MPDZ: variants seen among roughly 807,000 people sequenced by gnomAD.
MPDZ encodes the protein multiple PDZ domain protein.
Under a neutral mutation model 239.1 loss-of-function variants are expected in MPDZ, and 234 were observed. The ratio of observed to expected loss-of-function variants is 0.98; its 90% CI spans 0.88 to 1.09. The LOEUF (loss-of-function observed/expected upper bound fraction) is 1.09, where lower values mean the gene tolerates loss of function less well. Ranked by LOEUF, MPDZ falls within the 50% of genes least tolerant of loss-of-function variation. The probability of loss-of-function intolerance (pLI) is 0.00; values close to 1 mark genes in which losing one functional copy is unlikely to be tolerated. For synonymous variants in MPDZ, 1,048 were observed against 881.3 expected, an observed-to-expected ratio of 1.19 and a Z score of -3.35; for missense variants, 3,175 against 2,510.0, an observed-to-expected ratio of 1.26 and a Z score of -5.66.
intron 3 of MPDZ, among the ~76,000 whole-genome samples, chr9:13,235,792 C>CT (rs754350659): frequency 2.6e-5 from 4 of 151,990 alleles, no homozygotes; most frequent in Non-Finnish European, 5.9e-5. Context: ...TTCCCTTGTG[C>CT]TAAAAAAGTT....
rs751504836 is a variant in MPDZ at position 13,123,281 on chromosome 9, T to G, written c.4825A>C (p.Thr1609Pro). 6.2e-7 allele frequency: 1 copy of G among 1,611,280 alleles called. No individual in the cohort carries two copies. Residue 1609 changes from threonine to proline, a missense_variant, in exon 36 of 47, where the codon ACA becomes CCA. Physicochemically the swap from Thr to Pro is conservative, Grantham distance 38. Coordinates refer to ENST00000319217, the MANE Select transcript of MPDZ (RefSeq NM_001378778.1). ...ESIRNTSRSS[T>P]PAIFASDPAT... ...GGATCAGAAGCAAAAATTGCTGGTG[T>G]TGATGATCTGCTTGTATCTAAAAAT...
chr9:13,136,211 T>A (rs1021205923), intron 30 of MPDZ, 29 bp from the exon 31 acceptor site: 2 of 1,439,718 alleles, frequency 1.4e-6, no homozygotes, highest in Non-Finnish European at 1.9e-6. Context: ...CAACCTATTA[T>A]AACATCATGG....
rs1416039294 is a variant in MPDZ, at chr9:13,221,497, G to C, written c.751C>G (p.His251Asp). The change falls in exon 7 of 47, where the codon CAC (histidine) becomes GAC (aspartate). Residue 251 changes from histidine (H) to aspartate (D), a missense_variant. His to Asp is a moderately conservative substitution (Grantham distance 81). Coordinates refer to ENST00000319217, the MANE Select transcript of MPDZ (RefSeq NM_001378778.1). ...TCAATCGTTTCCATGTGTTGCCAGT[G>C]AACCTACAAACAAAGCTCATATATG... ...STISAHSNPV[H>D]WQHMETIELV... 6.2e-7 allele frequency: 1 copy of C among 1,609,310 alleles called. No individual in the cohort carries two copies. Among genetic ancestry groups the C allele is most frequent in the Non-Finnish European group, 8.5e-7 (1 of 1,177,252 alleles).
intron 1 of MPDZ, among the ~76,000 whole-genome samples, chr9:13,254,971 TTCA>T (rs1412504303): frequency 6.6e-6 from 1 of 152,200 alleles, no homozygotes; most frequent in African/African-American, 2.4e-5. Context: ...GATTCTTCCT[TTCA>T]TGAAAGATTT....
intron 3 of MPDZ, among the ~76,000 whole-genome samples, chr9:13,246,153 T>A (rs1355622155): frequency 1.3e-5 from 2 of 152,146 alleles, no homozygotes; most frequent in Non-Finnish European, 2.9e-5. Flanking sequence ...AAACCAGTAC[T>A]GAAAATCAAT....
chr9:13,247,772 G>A lies in MPDZ; in HGVS notation c.46C>T (p.Arg16Cys), dbSNP rs767520042. Residue 16 changes from arginine (R) to cysteine (C), a missense_variant, in exon 3 of 47, where the codon CGC becomes TGC. By Grantham distance (180) the Arg-to-Cys change is radical. Transcript: ENST00000319217. ...CGTTCTCGCAGCTTGGTTTGCAAGC[G>A]CTCTGCTGCATGCAGGGCCCGATTT... ...DKNRALHAAE[R>C]LQTKLRERGD... The A allele has an allele frequency of 9.9e-6, 16 of 1,611,392 alleles. No homozygotes were observed. The highest frequency in any genetic ancestry group is 4.5e-5 in the East Asian group (2 of 44,818).
intron 19 of MPDZ, among the ~76,000 whole-genome samples, chr9:13,181,242 T>C (rs1354798912): frequency 6.6e-6 from 1 of 152,154 alleles, no homozygotes; most frequent in Non-Finnish European, 1.5e-5. Context: ...AATCATATAC[T>C]ATACGGTATT....
chr9:13,254,930 T>G lies in MPDZ; in HGVS notation c.-57-4558A>C, dbSNP rs559659646. On this transcript the variant is annotated intron_variant, in intron 1 of 46. Transcript: ENST00000319217. ...TGGTCACTGTAACAATTTCTGAAAA[T>G]AAGACAACAATGAGCTTTGCCACAT... is the stretch of plus-strand genomic sequence containing the variant. Among the ~76,000 whole-genome samples the G allele has an allele frequency of 1.3e-3, 201 of 152,256 alleles. 1 individual carries two copies. The highest frequency in any genetic ancestry group is 4.6e-3 in the African/African-American group (191 of 41,552).
intron 23 of MPDZ, among the ~76,000 whole-genome samples, chr9:13,162,054 CA>C (rs1950550818): frequency 6.6e-6 from 1 of 152,054 alleles, no homozygotes; most frequent in African/African-American, 2.4e-5. Context: ...TGCTTAAGCT[CA>C]GAAGTTTGAG....
chr9:13,231,467 T>G (rs1962440167), intron 3 of MPDZ, among the ~76,000 whole-genome samples: 1 of 152,020 alleles, frequency 6.6e-6, no homozygotes, highest in Non-Finnish European at 1.5e-5. Context: ...CTTGGGAGGT[T>G]GAAGCACGAG....
chr9:13,268,551 C>T (rs1299990970), intron 1 of MPDZ, among the ~76,000 whole-genome samples: 3 of 151,948 alleles, frequency 2.0e-5, no homozygotes, highest in African/African-American at 4.8e-5. Context: ...AGTAATTATA[C>T]GGCAACGTGA....
chr9:13,239,792 A>G (rs1448259537), intron 3 of MPDZ, among the ~76,000 whole-genome samples: 1 of 152,114 alleles, frequency 6.6e-6, no homozygotes, highest in East Asian at 1.9e-4. Flanking sequence ...CCTGAAATAC[A>G]ATTAATTCTA....
chr9:13,148,845 G>A (rs1284819136), intron 25 of MPDZ, among the ~76,000 whole-genome samples: 3 of 151,862 alleles, frequency 2.0e-5, no homozygotes, highest in African/African-American at 7.3e-5. Context: ...TTGCAATATG[G>A]CACAAATCAT....
intron 1 of MPDZ, among the ~76,000 whole-genome samples, chr9:13,271,668 T>C (rs555714853): frequency 3.3e-5 from 5 of 152,330 alleles, no homozygotes; most frequent in African/African-American, 9.6e-5. Flanking sequence ...AGGCCTCACT[T>C]ATAGAACCTC....
intron 3 of MPDZ, among the ~76,000 whole-genome samples, chr9:13,240,610 A>G (rs1211330179): frequency 7.7e-6 from 1 of 129,898 alleles, no homozygotes; most frequent in Admixed American, 7.7e-5. Flanking sequence ...AAAAAAAAAG[A>G]CTGGCTTCAG....
At position 13,186,621 on chromosome 9, in the gene MPDZ, GTTGGATGAGAATCCCT is replaced by G. The variant is rs558707867; in HGVS notation, c.2365-251_2365-236del. On this transcript the variant is annotated intron_variant, in intron 17 of 46. Transcript: ENST00000319217. ...ATTTACTCTAATATAAAAATCACCT[GTTGGATGAGAATCCCT>G]TTCTACTAATTTTTCATTCTTCTTA... Among the ~76,000 whole-genome samples, 512 of 151,978 alleles carry G rather than the reference GTTGGATGAGAATCCCT, an allele frequency of 3.4e-3. 2 individuals are homozygous for G. The highest frequency in any genetic ancestry group is 0.012 in the African/African-American group (485 of 41,460).
At chr9:13,250,176 A>G in intron 2 of MPDZ, 124 bp downstream of exon 2, 2 of 838,184 alleles carry the variant, frequency 2.4e-6, no homozygotes, top group Non-Finnish European at 3.7e-6. Context: ...GCTAGTAGGT[A>G]AAAACTTTTT....
chr9:13,236,606 T>TTTC (rs1016309671), intron 3 of MPDZ, among the ~76,000 whole-genome samples: 50 of 151,920 alleles, frequency 3.3e-4, no homozygotes, highest in African/African-American at 1.2e-3. Context: ...ATAAACTCGT[T>TTTC]TTCTTCTTCT....
chr9:13,115,218 A>G, intron 40 of MPDZ, 30 bp downstream of exon 40: 1 of 1,586,500 alleles, frequency 6.3e-7, no homozygotes, highest in Non-Finnish European at 8.6e-7. Context: ...TGCCGATTGC[A>G]TCGCCCTGAT....
Sources: gnomAD v4.1 joint callset for allele counts (sites outside exome capture counted in the v4.1 genomes callset) on GRCh38, gnomAD v4.1.1 for gene constraint, MANE v1.5 for transcripts, NCBI Gene and HGNC (gene_info 2026-07-23, HGNC 2026-07-21) for gene names.